The following ADAM20 variants were observed in gnomAD, a reference collection of about 807,000 sequenced individuals.
ADAM20 encodes ADAM metallopeptidase domain 20, also known as disintegrin and metalloproteinase domain-containing protein 20.
For synonymous variants in ADAM20, 305 were observed against 310.2 expected, an observed-to-expected ratio of 0.98 and a Z score of 0.18; for missense variants, 871 against 883.2, an observed-to-expected ratio of 0.99 and a Z score of 0.18.
chr14:70,578,073 C>T, the ADAM20 span, among the ~76,000 whole-genome samples: 1 of 152,036 alleles, frequency 6.6e-6, no homozygotes, highest in South Asian at 2.1e-4. Flanking sequence ...ACACTATCAA[C>T]AGAATGAAAA....
the ADAM20 span, among the ~76,000 whole-genome samples, chr14:70,570,930 T>G: frequency 6.6e-6 from 1 of 152,158 alleles, no homozygotes; most frequent in African/African-American, 2.4e-5. Context: ...TGGGCTTTAT[T>G]TCTGGGAAAC....
the ADAM20 span, among the ~76,000 whole-genome samples, chr14:70,561,405 A>G: frequency 6.6e-6 from 1 of 152,276 alleles, no homozygotes; most frequent in African/African-American, 2.4e-5. Context: ...AGCAGACCAT[A>G]AAAGTTTAGA....
chr14:70,560,753 T>A, the ADAM20 span, among the ~76,000 whole-genome samples: 1 of 152,144 alleles, frequency 6.6e-6, no homozygotes. Flanking sequence ...GTAAAGAAAG[T>A]GCTTGCTTCC....
the ADAM20 span, among the ~76,000 whole-genome samples, chr14:70,574,223 T>C: frequency 6.6e-6 from 1 of 152,154 alleles, no homozygotes; most frequent in Non-Finnish European, 1.5e-5. Flanking sequence ...TTAATACTCC[T>C]GAACTACCAG....
the ADAM20 span, among the ~76,000 whole-genome samples, chr14:70,567,807 A>G: frequency 6.6e-6 from 1 of 152,126 alleles, no homozygotes; most frequent in Non-Finnish European, 1.5e-5. Flanking sequence ...ACCAGGAACC[A>G]AAAGTATTTA....
At position 70,523,509 on chromosome 14, in the gene ADAM20, C is replaced by T. The variant is rs969232008; in HGVS notation, c.1249G>A (p.Glu417Lys). Residue 417 changes from glutamate (E) to lysine (K), a missense_variant, in exon 2 of 2, where the codon GAA becomes AAA. Physicochemically the swap from Glu to Lys is moderately conservative, Grantham distance 56. Transcript: ENST00000256389. ...GTTCCACAGTCACATTCCTCCCCTT[C>T]TTCAACCACTAGATTCCCACAGTAC... ...LKYCGNLVVEEGEECDCGTIR... is the reference protein window; with the variant it reads ...LKYCGNLVVEKGEECDCGTIR... The T allele has an allele frequency of 6.2e-7, 1 of 1,614,122 alleles. No individual in the cohort carries two copies. The highest frequency in any genetic ancestry group is 1.3e-5 in the African/African-American group (1 of 75,060).
chr14:70,543,311 T>C, the ADAM20 span, among the ~76,000 whole-genome samples: 10 of 152,218 alleles, frequency 6.6e-5, no homozygotes, highest in East Asian at 1.9e-3. Flanking sequence ...GCAGTAGGAC[T>C]ATATACTGTA....
At chr14:70,560,049 C>G in the ADAM20 span, among the ~76,000 whole-genome samples, 1 of 152,086 alleles carries the variant, frequency 6.6e-6, no homozygotes, top group Admixed American at 6.6e-5. Flanking sequence ...CTAAAGCATT[C>G]TCAAAATATG....
intron 1 of ADAM20, among the ~76,000 whole-genome samples, chr14:70,525,810 T>C (rs1883577534): frequency 6.6e-6 from 1 of 152,178 alleles, no homozygotes; most frequent in African/African-American, 2.4e-5. Flanking sequence ...TATATTCTTA[T>C]CTGCAGAAAA....
the ADAM20 span, among the ~76,000 whole-genome samples, chr14:70,575,993 A>T: frequency 1.3e-5 from 2 of 152,236 alleles, no homozygotes; most frequent in African/African-American, 4.8e-5. Flanking sequence ...CAACAGACTA[A>T]AGCTTACGGA....
the ADAM20 span, among the ~76,000 whole-genome samples, chr14:70,555,412 A>T: frequency 2.0e-5 from 3 of 152,296 alleles, no homozygotes; most frequent in South Asian, 6.2e-4. Flanking sequence ...TTAACTGTCA[A>T]TTTTTTAAAA....
At chr14:70,566,705 C>T in the ADAM20 span, among the ~76,000 whole-genome samples, 1,241 of 152,238 alleles carry the variant, frequency 8.2e-3, 9 homozygotes, top group South Asian at 0.031. Context: ...GGAGGCCGGG[C>T]GCGGTGGCTC....
At chr14:70,553,309 T>TAAAAAAAAAAA in the ADAM20 span, among the ~76,000 whole-genome samples, 7 of 17,248 alleles carry the variant, frequency 4.1e-4, no homozygotes, top group Non-Finnish European at 5.7e-4. Context: ...TAGAGTATAA[T>TAAAAAAAAAAA]AAAAAAAAAA....
chr14:70,534,599 G>T (rs1328247406), intron 1 of ADAM20, among the ~76,000 whole-genome samples, 198 bp downstream of exon 1: 1 of 152,016 alleles, frequency 6.6e-6, no homozygotes, highest in Admixed American at 6.6e-5. Flanking sequence ...CCACTTACGA[G>T]GTATCTAAAG....
At chr14:70,555,354 C>A in the ADAM20 span, among the ~76,000 whole-genome samples, 4 of 152,120 alleles carry the variant, frequency 2.6e-5, no homozygotes, top group African/African-American at 9.7e-5. Context: ...CTTCATAAGG[C>A]AAGTGTATAT....
upstream of ADAM20, among the ~76,000 whole-genome samples, chr14:70,539,903 A>T (rs1883909743): frequency 6.6e-6 from 1 of 152,196 alleles, no homozygotes; most frequent in Admixed American, 6.5e-5. Flanking sequence ...CCATGGGACC[A>T]GAAGGCGGTG....
chr14:70,576,476 A>G, the ADAM20 span, among the ~76,000 whole-genome samples: 2 of 152,326 alleles, frequency 1.3e-5, no homozygotes, highest in Admixed American at 6.5e-5. Context: ...ATCTACAACT[A>G]AAACTCTTCT....
the ADAM20 span, among the ~76,000 whole-genome samples, chr14:70,571,419 C>A: frequency 6.6e-6 from 1 of 152,236 alleles, no homozygotes; most frequent in African/African-American, 2.4e-5. Context: ...ACTTCTCCTT[C>A]CTGCCATCAT....
At chr14:70,570,881 T>C in the ADAM20 span, among the ~76,000 whole-genome samples, 1 of 152,116 alleles carries the variant, frequency 6.6e-6, no homozygotes, top group Non-Finnish European at 1.5e-5. Flanking sequence ...GCAAACTTAA[T>C]TCAACATCAT....
Sources: gnomAD v4.1 joint callset for allele counts (sites outside exome capture counted in the v4.1 genomes callset) on GRCh38, gnomAD v4.1.1 for gene constraint, MANE v1.5 for transcripts, NCBI Gene and HGNC (gene_info 2026-07-23, HGNC 2026-07-21) for gene names.